The following XYLT1 variants were observed in gnomAD, a reference collection of about 807,000 sequenced individuals.
XYLT1 encodes the protein beta-D-xylosyltransferase 1.
XYLT1 carries 36 observed loss-of-function variants against 91.3 expected under a neutral mutation model. The observed-to-expected ratio is 0.39, with a 90% CI of 0.30 to 0.52. The LOEUF is 0.52. Ranked by LOEUF, XYLT1 falls within the 20% of genes least tolerant of loss-of-function variation. XYLT1 has a pLI of 0.68. For missense variants in XYLT1, 1,242 were observed against 1,284.5 expected (o/e 0.97, Z 0.51); for synonymous variants, 588 against 532.0 (o/e 1.11, Z -1.45).
In XYLT1 at chr16:17,218,902, C is replaced by CTA. The variant is rs200022527; in HGVS notation, c.914-18250_914-18249dup. Among the ~76,000 whole-genome samples the CTA allele has an allele frequency of 9.9e-3, 1,502 of 152,256 alleles. 20 individuals carry two copies. The highest frequency in any genetic ancestry group is 0.034 in the African/African-American group (1,398 of 41,544). ...ATAATTATAAATGCCTGTGAGTGTG[C>CTA]TATACCCTGGGGCAGTGGCAGGGGG... On this transcript the variant is annotated intron_variant, in intron 3 of 11. Coordinates refer to ENST00000261381, the MANE Select transcript of XYLT1 (RefSeq NM_022166.4).
rs753694444 is a variant in XYLT1, at chr16:17,117,847, C to A, written c.2356G>T (p.Asp786Tyr). Reference protein sequence around the residue: ...PNVTVTVIWVDPVNVIAATYD... With the variant: ...PNVTVTVIWVYPVNVIAATYD... ...GTGGCTGCGATGACATTGACGGGAT[C>A]CACCCAAATGACGGTCACGGTCACA... The change falls in exon 11 of 12, where the codon GAT (aspartate) becomes TAT (tyrosine). Residue 786 changes from aspartate (D) to tyrosine (Y), a missense_variant. Asp to Tyr is a radical substitution (Grantham distance 160). Coordinates refer to ENST00000261381, the MANE Select transcript of XYLT1 (RefSeq NM_022166.4). 6.2e-7 allele frequency: 1 copy of A among 1,614,080 alleles called. No homozygotes were observed. Among genetic ancestry groups the A allele is most frequent in the Admixed American group, 1.7e-5 (1 of 60,014 alleles).
At chr16:17,337,933 C>G (rs1024825493) in intron 2 of XYLT1, among the ~76,000 whole-genome samples, 1 of 152,016 alleles carries the variant, frequency 6.6e-6, no homozygotes, top group Admixed American at 6.5e-5. Context: ...TGCGCCACCA[C>G]GTCCGGCTAA....
chr16:17,234,945 A>C (rs1278846447), intron 3 of XYLT1, among the ~76,000 whole-genome samples: 1 of 152,232 alleles, frequency 6.6e-6, no homozygotes, highest in Non-Finnish European at 1.5e-5. Flanking sequence ...TTCAACTGCA[A>C]CTGAGCAAAA....
chr16:17,179,259 G>A (rs555987268), intron 5 of XYLT1, among the ~76,000 whole-genome samples: 22 of 152,020 alleles, frequency 1.4e-4, no homozygotes, highest in Admixed American at 4.6e-4. Context: ...GGTGAGGATC[G>A]AAAAACTATC....
At chr16:17,241,421 G>T (rs956232240) in intron 3 of XYLT1, among the ~76,000 whole-genome samples, 9 of 152,270 alleles carry the variant, frequency 5.9e-5, no homozygotes, top group African/African-American at 2.2e-4. Flanking sequence ...ATCAGGAGTA[G>T]AGACTACAGT....
chr16:17,339,982 C>T (rs2035042534), intron 2 of XYLT1, among the ~76,000 whole-genome samples: 1 of 151,872 alleles, frequency 6.6e-6, no homozygotes, highest in Non-Finnish European at 1.5e-5. Flanking sequence ...CATCCATCAC[C>T]CCTTGTCCAC....
At chr16:17,233,155 A>G (rs150834506) in intron 3 of XYLT1, among the ~76,000 whole-genome samples, 398 of 152,040 alleles carry the variant, frequency 2.6e-3, no homozygotes, top group African/African-American at 6.8e-3. Flanking sequence ...CCTCTCCCCA[A>G]CTCCACAGGA....
chr16:17,466,271 C>T (rs944914240), intron 1 of XYLT1, among the ~76,000 whole-genome samples: 1 of 152,130 alleles, frequency 6.6e-6, no homozygotes, highest in African/African-American at 2.4e-5. Flanking sequence ...GACTCTCAAC[C>T]TCACCTGTGC....
rs964420007 is a variant in XYLT1, at chr16:17,107,497, C to A, written c.*1198G>T. 1 of 152,630 alleles carries A rather than the reference C, an allele frequency of 6.6e-6. No homozygotes were observed. Among genetic ancestry groups the A allele is most frequent in the African/African-American group, 2.4e-5 (1 of 41,446 alleles). 9.5% of individuals were successfully genotyped at this position (152,630 alleles called of 1,614,324 possible). On this transcript the variant is annotated 3_prime_UTR_variant, in exon 12 of 12. Coordinates refer to ENST00000261381, the MANE Select transcript of XYLT1 (RefSeq NM_022166.4). ...GTTTTTTGTTGTTTAAATAACCTTCCCATTTTTATGTTGCATGTCCCGTTG... is the reference window on the plus strand; with the variant it reads ...GTTTTTTGTTGTTTAAATAACCTTCACATTTTTATGTTGCATGTCCCGTTG...
At chr16:17,228,103 G>A (rs958806355) in intron 3 of XYLT1, 2 of 152,194 alleles carry the variant, frequency 1.3e-5, no homozygotes, top group Non-Finnish European at 2.9e-5. Flanking sequence ...GAGGAATAGA[G>A]TCATTGCTTA....
At position 17,319,882 on chromosome 16, in the gene XYLT1, C is replaced by T. The variant is rs2034690813; in HGVS notation, c.402+38130G>A. 2.0e-5 allele frequency among the ~76,000 whole-genome samples: 3 copies of T among 152,222 alleles called. No homozygotes were observed. The South Asian group carries it at 6.2e-4, about 31-fold the overall frequency. On this transcript the variant is annotated intron_variant, in intron 2 of 11. Transcript: ENST00000261381. ...TATGTCATCTGGCCCCTTCGTACCT[C>T]TCCACCTTCTCCCATCCCCTTTTCT... is the stretch of plus-strand genomic sequence containing the variant.
chr16:17,385,743 G>C (rs1240073763), intron 1 of XYLT1, among the ~76,000 whole-genome samples: 1 of 151,844 alleles, frequency 6.6e-6, no homozygotes, highest in Non-Finnish European at 1.5e-5. Context: ...GAGCTCTGGA[G>C]TTGACAGTCA....
intron 10 of XYLT1, among the ~76,000 whole-genome samples, chr16:17,125,047 A>T (rs899483376): frequency 1.3e-5 from 2 of 151,970 alleles, no homozygotes; most frequent in Admixed American, 1.3e-4. Flanking sequence ...TGCCTCCTTA[A>T]TTGGCTTAAT....
At chr16:17,392,739 G>A (rs1215575774) in intron 1 of XYLT1, among the ~76,000 whole-genome samples, 5 of 152,120 alleles carry the variant, frequency 3.3e-5, no homozygotes, top group East Asian at 1.9e-4. Context: ...GGCCTCCCTC[G>A]CCTTGACAAT....
chr16:17,227,004 GC>G (rs1483036748), intron 3 of XYLT1: 2 of 152,184 alleles, frequency 1.3e-5, no homozygotes, highest in Non-Finnish European at 2.9e-5. Context: ...CTGGTGTCTG[GC>G]ATAAAGCAAG....
chr16:17,433,210 C>A (rs1334237071), intron 1 of XYLT1, among the ~76,000 whole-genome samples: 3 of 152,176 alleles, frequency 2.0e-5, no homozygotes. Flanking sequence ...GCCCACCCAA[C>A]AAGCCATGTC....
At chr16:17,131,424 T>G (rs957374043) in intron 9 of XYLT1, among the ~76,000 whole-genome samples, 15 of 152,150 alleles carry the variant, frequency 9.9e-5, no homozygotes, top group African/African-American at 3.1e-4. Context: ...TAAAAAAAAT[T>G]AGGAGATTTG....
intron 1 of XYLT1, among the ~76,000 whole-genome samples, chr16:17,468,674 G>A (rs1249476694): frequency 2.6e-5 from 4 of 152,106 alleles, no homozygotes; most frequent in Non-Finnish European, 5.9e-5. Flanking sequence ...GAAGAAATCA[G>A]CTAGCCCTGC....
chr16:17,172,863 C>A (rs2031857279), intron 5 of XYLT1, among the ~76,000 whole-genome samples: 1 of 152,114 alleles, frequency 6.6e-6, no homozygotes, highest in Non-Finnish European at 1.5e-5. Context: ...TCATTGAGGA[C>A]ATTTAAGCCC....
Sources: allele counts gnomAD v4.1 joint callset (sites outside exome capture counted in the v4.1 genomes callset), GRCh38; gene constraint gnomAD v4.1.1; transcripts MANE v1.5; gene names NCBI Gene and HGNC (gene_info 2026-07-23, HGNC 2026-07-21).